CHFR: variants seen among roughly 807,000 people sequenced by gnomAD.
CHFR encodes the protein E3 ubiquitin-protein ligase CHFR.
A neutral mutation model predicts 87.6 loss-of-function variants in CHFR; 57 were observed. The observed-to-expected ratio is 0.65, with a 90% CI of 0.53 to 0.81. The LOEUF (loss-of-function observed/expected upper bound fraction) is 0.81. Ranked by LOEUF, CHFR falls within the 30% of genes least tolerant of loss-of-function variation. CHFR has a pLI of 0.00. For missense variants in CHFR, 797 were observed against 865.8 expected (o/e 0.92, Z 1.00); for synonymous variants, 381 against 359.2 (o/e 1.06, Z -0.69).
intron 4 of CHFR, among the ~76,000 whole-genome samples, chr12:132,871,135 C>G (rs1951478219): frequency 6.6e-6 from 1 of 152,228 alleles, no homozygotes; most frequent in African/African-American, 2.4e-5. Context: ...GCCCCATTCT[C>G]CCTCACCACT....
intron 14 of CHFR, 110 bp downstream of exon 14, chr12:132,847,975 C>A: frequency 6.4e-7 from 1 of 1,555,734 alleles, no homozygotes. Flanking sequence ...CTCCCCAACC[C>A]GCAGCGGGTC....
rs1195509679 is a variant in CHFR at position 132,844,064 on chromosome 12, A to C, written c.1806T>G (p.Tyr602Ter). Residue 602 changes from tyrosine (Y) to a stop codon, truncating the protein, a stop_gained, in exon 16 of 18, where the codon TAT becomes TAG. Transcript: ENST00000450056. LOFTEE classifies it high-confidence loss of function. ...CGLRSFRELT[Y>*]QYRQNIPASE... is the part of the protein sequence containing the mutation. ...AAGCAGGAATGTTCTGCCGATACTG[A>C]TAGGTCAGCTCACGGAAGCTGCGCA... The C allele has an allele frequency of 6.2e-7, 1 of 1,613,862 alleles. No individual in the cohort carries two copies. The highest frequency in any genetic ancestry group is 1.7e-5 in the Admixed American group (1 of 60,014).
intron 4 of CHFR, among the ~76,000 whole-genome samples, chr12:132,871,717 A>G (rs770017155): frequency 2.6e-5 from 4 of 151,948 alleles, no homozygotes; most frequent in Non-Finnish European, 5.9e-5. Context: ...GATTGCGGTG[A>G]GCTGAGATTG....
intron 8 of CHFR, among the ~76,000 whole-genome samples, chr12:132,858,725 T>TAAAAA (rs60137048): frequency 1.1e-4 from 3 of 26,788 alleles, no homozygotes; most frequent in Admixed American, 8.0e-4. Flanking sequence ...AGACTCCATC[T>TAAAAA]AAAAAAAAAA....
At chr12:132,884,698 C>A (rs752233501) in intron 2 of CHFR, among the ~76,000 whole-genome samples, 5 of 152,118 alleles carry the variant, frequency 3.3e-5, no homozygotes, top group Admixed American at 6.6e-5. Context: ...GAGGACACAG[C>A]AAGAAAGTGG....
rs1291493556 is a variant in CHFR, at chr12:132,857,396, C to A, written c.1066+9G>T. On this transcript the variant is annotated intron_variant, in intron 9 of 17. Coordinates refer to ENST00000450056, the MANE Select transcript of CHFR (RefSeq NM_001161346.2). Reference sequence around the variant, plus strand: ...GTGCCCGGGTGCTGGTGTGGATGCCCTCACTTGCCTGGATGCTGGATGAGG... The same window carrying A: ...GTGCCCGGGTGCTGGTGTGGATGCCATCACTTGCCTGGATGCTGGATGAGG... The A allele has an allele frequency of 1.2e-6, 2 of 1,613,602 alleles. No individual in the cohort carries two copies. The highest frequency in any genetic ancestry group is 4.5e-5 in the East Asian group (2 of 44,868).
At chr12:132,878,149 T>C (rs1382517617) in intron 2 of CHFR, among the ~76,000 whole-genome samples, 1 of 147,580 alleles carries the variant, frequency 6.8e-6, no homozygotes, top group African/African-American at 2.5e-5. Context: ...CACCCATCAA[T>C]ACCTCCAGTT....
At chr12:132,853,147 G>A (rs146982142) in intron 11 of CHFR, among the ~76,000 whole-genome samples, 1 of 152,230 alleles carries the variant, frequency 6.6e-6, no homozygotes, top group Non-Finnish European at 1.5e-5. Flanking sequence ...GCTGCCCTGA[G>A]GCAGTGGCTG....
chr12:132,862,726 C>A (rs1951244278), intron 6 of CHFR, among the ~76,000 whole-genome samples: 1 of 151,720 alleles, frequency 6.6e-6, no homozygotes, highest in Non-Finnish European at 1.5e-5. Context: ...ACTACAGGCA[C>A]CCGCCACCAT....
In CHFR at chr12:132,835,630, A is replaced by T; in HGVS notation, c.*5924T>A. ...CACGAGCCAAGGAGACAGACCAAAG[A>T]GGAACCGGCCCCGCTGACACCCTGA... On this transcript the variant is annotated 3_prime_UTR_variant, in exon 18 of 18. Coordinates refer to ENST00000450056, the MANE Select transcript of CHFR (RefSeq NM_001161346.2). 2 of 190,208 alleles carry T rather than the reference A, an allele frequency of 1.1e-5. No individual in the cohort carries two copies. Among genetic ancestry groups the T allele is most frequent in the South Asian group, 1.5e-4 (2 of 12,926 alleles). The allele number at this position is 190,208 out of a possible 1,614,324, so 11.8% of individuals were successfully genotyped here. A position where few individuals can be genotyped will look rare whatever the true frequency, so the allele number is the denominator to read the frequency against.
At chr12:132,879,749 A>G (rs1199879708) in intron 2 of CHFR, among the ~76,000 whole-genome samples, 7 of 152,218 alleles carry the variant, frequency 4.6e-5, no homozygotes, top group African/African-American at 1.7e-4. Context: ...AATCAAAAGA[A>G]CAAAGGCGTT....
In CHFR at chr12:132,853,425, G is replaced by A; in HGVS notation, c.1372+6C>T. On this transcript the variant is annotated splice_donor_region_variant and intron_variant, in intron 11 of 17. Coordinates refer to ENST00000450056, the MANE Select transcript of CHFR (RefSeq NM_001161346.2). ...AAGGCTGAGGCCTGAGGGCGGCGCG[G>A]CTCACCTGTCGTCAGGCTGACGGAC... is the stretch of plus-strand genomic sequence containing the variant. 1 of 1,517,944 alleles carries A rather than the reference G, an allele frequency of 6.6e-7. No individual in the cohort carries two copies. The highest frequency in any genetic ancestry group is 8.8e-7 in the Non-Finnish European group (1 of 1,141,784). The allele number at this position is 1,517,944 out of a possible 1,614,324, so 94.0% of individuals were successfully genotyped here. A position where few individuals can be genotyped will look rare whatever the true frequency, so the allele number is the denominator to read the frequency against.
At chr12:132,881,603 C>T (rs1353483654) in intron 2 of CHFR, among the ~76,000 whole-genome samples, 2 of 152,124 alleles carry the variant, frequency 1.3e-5, no homozygotes, top group Non-Finnish European at 2.9e-5. Flanking sequence ...CACGGTGGCT[C>T]ACGCCTGTAA....
Position 132,846,956 on chromosome 12 carries a change from C to T in CHFR, c.1735+87G>A. 12 of 919,656 alleles carry T rather than the reference C, an allele frequency of 1.3e-5. No homozygotes were observed. In the South Asian group the frequency reaches 1.3e-4, roughly 10 times the overall value. 57.0% of individuals were successfully genotyped at this position (919,656 alleles called of 1,614,324 possible). ...CCTCTCTTCCAGGGTGGGTGAAGGT[C>T]GGAGTTGTCACTGGGAGAGCAGACA... On this transcript the variant is annotated intron_variant, in intron 15 of 17. Coordinates refer to ENST00000450056, the MANE Select transcript of CHFR (RefSeq NM_001161346.2).
rs369500865 is a variant in CHFR, at chr12:132,838,893, G to C, written c.*2661C>G. On this transcript the variant is annotated 3_prime_UTR_variant, in exon 18 of 18. Coordinates refer to ENST00000450056, the MANE Select transcript of CHFR (RefSeq NM_001161346.2). ...TGATCTCCCTGCCTCCATAAAACACGGCTCCTTACCACGCTGGGAGGATAA... is the reference window on the plus strand; with the variant it reads ...TGATCTCCCTGCCTCCATAAAACACCGCTCCTTACCACGCTGGGAGGATAA... 5 of 152,600 alleles carry C rather than the reference G, an allele frequency of 3.3e-5. No individual in the cohort carries two copies. The highest frequency in any genetic ancestry group is 1.2e-4 in the African/African-American group (5 of 41,524). 9.5% of individuals were successfully genotyped at this position (152,600 alleles called of 1,614,324 possible).
chr12:132,857,156 C>T (rs1207046689), intron 9 of CHFR, among the ~76,000 whole-genome samples: 1 of 108,866 alleles, frequency 9.2e-6, no homozygotes, highest in African/African-American at 3.6e-5. Flanking sequence ...TGCCCGGGTG[C>T]TGCTGGGTGG....
At chr12:132,861,346 T>C in intron 7 of CHFR, 121 bp downstream of exon 7, 2 of 989,876 alleles carry the variant, frequency 2.0e-6, no homozygotes, top group Non-Finnish European at 3.1e-6. Flanking sequence ...GGCATCAACC[T>C]GAGGCAGGGT....
At chr12:132,848,994 T>C in intron 12 of CHFR, 1 of 423,630 alleles carries the variant, frequency 2.4e-6, no homozygotes, top group Non-Finnish European at 4.3e-6. Flanking sequence ...TGGCCCAGGC[T>C]GGAGTACAGG....
intron 12 of CHFR, among the ~76,000 whole-genome samples, chr12:132,850,858 AT>A (rs1950923528): frequency 6.6e-6 from 1 of 152,052 alleles, no homozygotes; most frequent in African/African-American, 2.4e-5. Context: ...TTAGGAAGTC[AT>A]AAAAAAAAGG....
Sources: gnomAD v4.1 joint callset for allele counts (sites outside exome capture counted in the v4.1 genomes callset) on GRCh38, gnomAD v4.1.1 for gene constraint, MANE v1.5 for transcripts, NCBI Gene and HGNC (gene_info 2026-07-23, HGNC 2026-07-21) for gene names.